Variants in DRAXIN observed in about 807,000 individuals in gnomAD.
DRAXIN encodes dorsal inhibitory axon guidance protein.
A neutral mutation model predicts 33.9 loss-of-function variants in DRAXIN; 27 were observed. The ratio of observed to expected loss-of-function variants is 0.80; its 90% CI spans 0.59 to 1.10. The LOEUF (loss-of-function observed/expected upper bound fraction) is 1.10. DRAXIN is among the 50% of genes least tolerant of loss of function. The probability of loss-of-function intolerance (pLI) is 0.00; values close to 1 mark genes in which losing one functional copy is unlikely to be tolerated. For missense variants in DRAXIN, 371 were observed against 460.8 expected (o/e 0.81, Z 1.78); for synonymous variants, 178 against 194.0 (o/e 0.92, Z 0.69).
At chr1:11,703,759 T>G (rs59251452) in intron 1 of DRAXIN, among the ~76,000 whole-genome samples, 2,294 of 152,184 alleles carry the variant, frequency 0.015, 72 homozygotes, top group African/African-American at 0.052. Context: ...GATATGTGGT[T>G]CTTGAAGGGT....
At chr1:11,710,472 G>T (rs970301074) in intron 3 of DRAXIN, among the ~76,000 whole-genome samples, 1 of 152,016 alleles carries the variant, frequency 6.6e-6, no homozygotes, top group Non-Finnish European at 1.5e-5. Context: ...TCCAGCCTGG[G>T]CGACAGAGTG....
chr1:11,700,113 G>T (rs1479361490), intron 1 of DRAXIN, among the ~76,000 whole-genome samples: 2 of 151,428 alleles, frequency 1.3e-5, no homozygotes, highest in Non-Finnish European at 2.9e-5. Flanking sequence ...GGCAGCGCCT[G>T]TAATCCCTCA....
intron 5 of DRAXIN, 72 bp from the exon 6 acceptor site, chr1:11,715,047 T>C (rs879881016): frequency 2.6e-5 from 41 of 1,554,638 alleles, no homozygotes; most frequent in Non-Finnish European, 3.6e-5. Flanking sequence ...TCTTGTCCAG[T>C]GGGACCGAGT....
intron 2 of DRAXIN, among the ~76,000 whole-genome samples, chr1:11,708,126 A>G (rs745915945): frequency 2.8e-4 from 42 of 152,308 alleles, no homozygotes; most frequent in Admixed American, 1.2e-3. Context: ...GTCAGCTTTC[A>G]GGGGAGGATG....
In DRAXIN at chr1:11,719,861, G is replaced by A. The variant is rs1244303663; in HGVS notation, c.*165G>A. 3.0e-6 allele frequency: 2 copies of A among 665,346 alleles called. No individual in the cohort carries two copies. Among genetic ancestry groups the A allele is most frequent in the Admixed American group, 2.6e-5 (1 of 38,482 alleles). 41.2% of individuals were successfully genotyped at this position (665,346 alleles called of 1,614,324 possible). A position where few individuals can be genotyped will look rare whatever the true frequency, so the allele number is the denominator to read the frequency against. On this transcript the variant is annotated 3_prime_UTR_variant, in exon 7 of 7. Coordinates refer to ENST00000294485, the MANE Select transcript of DRAXIN (RefSeq NM_198545.4). ...GGGAGCCGCTCGGCGAATGAGCTGG[G>A]TGGGTGCCCAGGAGCCGGCCCGCAG...
upstream of DRAXIN, among the ~76,000 whole-genome samples, chr1:11,686,776 A>G (rs1393157149): frequency 2.7e-5 from 4 of 149,944 alleles, no homozygotes; most frequent in Non-Finnish European, 5.9e-5. Flanking sequence ...GCCACAAGGT[A>G]AGAACTTTTG....
At chr1:11,699,382 A>G (rs1216021180) in intron 1 of DRAXIN, among the ~76,000 whole-genome samples, 1 of 151,786 alleles carries the variant, frequency 6.6e-6, no homozygotes, top group Non-Finnish European at 1.5e-5. Context: ...GACACAACAC[A>G]CCTTTAAGCC....
In DRAXIN at chr1:11,694,859, CA is replaced by C. The variant is rs1276269105; in HGVS notation, c.-11+3008del. The stretch of plus-strand genomic sequence containing the variant: ...TCTGCCACCCCAGGTTCCAGCTTGA[CA>C]ACGCCCCATGCCCCAACACCATGAC... On this transcript the variant is annotated intron_variant, in intron 1 of 6. Transcript: ENST00000294485. This position sits in a 1 kb window ranked among gnomAD's most constrained non-coding sequence, Gnocchi z 4.9. 4.6e-5 allele frequency among the ~76,000 whole-genome samples: 7 copies of C among 152,322 alleles called. No homozygotes were observed. In the East Asian group the frequency reaches 1.4e-3, roughly 29 times the overall value.
chr1:11,712,558 C>T (rs542685326), intron 5 of DRAXIN, 129 bp downstream of exon 5: 2 of 859,880 alleles, frequency 2.3e-6, no homozygotes, highest in African/African-American at 1.7e-5. Context: ...ATAATAACAA[C>T]AGCTGCCACT....
rs1368789328 is a variant in DRAXIN at position 11,695,162 on chromosome 1, A to C, written c.-11+3309A>C. Among the ~76,000 whole-genome samples the C allele has an allele frequency of 2.0e-5, 3 of 152,208 alleles. No homozygotes were observed. In the East Asian group the frequency reaches 5.8e-4, roughly 29 times the overall value. ...GCAGGGATGATGAGTCTGAGGAGTC[A>C]GATGGCTGTGGGTTCGAATCCCAGC... On this transcript the variant is annotated intron_variant, in intron 1 of 6. Transcript: ENST00000294485.
chr1:11,706,169 A>T lies in DRAXIN; in HGVS notation c.-10-80A>T. 7.5e-7 allele frequency: 1 copy of T among 1,330,954 alleles called. No individual in the cohort carries two copies. Among genetic ancestry groups the T allele is most frequent in the Non-Finnish European group, 1.0e-6 (1 of 995,346 alleles). 82.4% of individuals were successfully genotyped at this position (1,330,954 alleles called of 1,614,324 possible). A position where few individuals can be genotyped will look rare whatever the true frequency, so the allele number is the denominator to read the frequency against. ...ATGTCCCTCTATGGCTGTTGAGAAAAACTGGGCTTTAATCATTTGAGTGAG... is the reference window on the plus strand; with the variant it reads ...ATGTCCCTCTATGGCTGTTGAGAAATACTGGGCTTTAATCATTTGAGTGAG... On this transcript the variant is annotated intron_variant, in intron 1 of 6. Transcript: ENST00000294485. The surrounding 1 kb of genome is among the most constrained non-coding windows in gnomAD (Gnocchi z 5.5).
At chr1:11,714,715 C>G (rs1049539244) in intron 5 of DRAXIN, among the ~76,000 whole-genome samples, 7 of 152,364 alleles carry the variant, frequency 4.6e-5, no homozygotes, top group African/African-American at 1.7e-4. Context: ...GGAGCCGGCT[C>G]CATGGCAGGT....
upstream of DRAXIN, among the ~76,000 whole-genome samples, chr1:11,687,259 A>T (rs915147962): frequency 7.2e-5 from 11 of 151,944 alleles, no homozygotes; most frequent in African/African-American, 2.4e-4. This position sits in a 1 kb window ranked among gnomAD's most constrained non-coding sequence, Gnocchi z 4.1. Flanking sequence ...TTCTTTTTTG[A>T]GACGGAGTCT....
chr1:11,706,549 G>A lies in DRAXIN; in HGVS notation c.291G>A (p.Leu97=), dbSNP rs571441625. ...GGCTGCCAGAGGCTGAGGGGCTGCT[G>A]CCTGAGCAGAGTCCTGCAGGCCTGC... ...ASRLPEAEGL[L]PEQSPAGLLQ... The change falls in exon 2 of 7, where the codon CTG becomes CTA. Residue 97 remains leucine, a synonymous_variant. Coordinates refer to ENST00000294485, the MANE Select transcript of DRAXIN (RefSeq NM_198545.4). This position sits in a 1 kb window ranked among gnomAD's most constrained non-coding sequence, Gnocchi z 5.5. 1 of 1,611,052 alleles carries A rather than the reference G, an allele frequency of 6.2e-7. No homozygotes were observed. The highest frequency in any genetic ancestry group is 8.5e-7 in the Non-Finnish European group (1 of 1,179,224).
intron 1 of DRAXIN, among the ~76,000 whole-genome samples, chr1:11,700,724 GC>G (rs1216822929): frequency 6.6e-6 from 1 of 152,206 alleles, no homozygotes; most frequent in African/African-American, 2.4e-5. Flanking sequence ...GTGGGGGGTT[GC>G]CTGCTTCACA....
upstream of DRAXIN, among the ~76,000 whole-genome samples, chr1:11,689,367 AC>A (rs1456062628): frequency 6.6e-6 from 1 of 150,774 alleles, no homozygotes; most frequent in Non-Finnish European, 1.5e-5. Context: ...GGAGGCTGAG[AC>A]AGGTGGATCA....
chr1:11,697,649 G>A (rs932463546), intron 1 of DRAXIN, among the ~76,000 whole-genome samples: 4 of 152,216 alleles, frequency 2.6e-5, no homozygotes, highest in Admixed American at 2.6e-4. Flanking sequence ...CTTCAGACTG[G>A]AGCAGGTGCC....
Position 11,724,061 on chromosome 1 carries a change from A to C in DRAXIN, c.*4365A>C, listed in dbSNP as rs7529001. 6.6e-6 allele frequency: 1 copy of C among 152,032 alleles called. No individual in the cohort carries two copies. The highest frequency in any genetic ancestry group is 2.4e-5 in the African/African-American group (1 of 41,384). 9.4% of individuals were successfully genotyped at this position (152,032 alleles called of 1,614,324 possible). The stretch of plus-strand genomic sequence containing the variant: ...AAGTCACCATTCAAGCTCCTTCCCC[A>C]AAGTGTGTTCCATAGAACACTGGGA... On this transcript the variant is annotated 3_prime_UTR_variant, in exon 7 of 7. Transcript: ENST00000294485.
chr1:11,692,029 T>C lies in DRAXIN; in HGVS notation c.-11+176T>C, dbSNP rs1641079441. ...TCGGACCCGTCTATCCGCCAGTCCTTCCGCCGCCTCCTCTCCTCGCCGCGT... is the reference window on the plus strand; with the variant it reads ...TCGGACCCGTCTATCCGCCAGTCCTCCCGCCGCCTCCTCTCCTCGCCGCGT... On this transcript the variant is annotated intron_variant, in intron 1 of 6. Coordinates refer to ENST00000294485, the MANE Select transcript of DRAXIN (RefSeq NM_198545.4). This position sits in a 1 kb window ranked among gnomAD's most constrained non-coding sequence, Gnocchi z 5.8. Among the ~76,000 whole-genome samples the C allele has an allele frequency of 6.6e-6, 1 of 151,754 alleles. No homozygotes were observed. Among genetic ancestry groups the C allele is most frequent in the Non-Finnish European group, 1.5e-5 (1 of 67,908 alleles).
Sources: allele counts gnomAD v4.1 joint callset (sites outside exome capture counted in the v4.1 genomes callset), GRCh38; gene constraint gnomAD v4.1.1; non-coding constraint Gnocchi (gnomAD v3.1); transcripts MANE v1.5; gene names NCBI Gene and HGNC (gene_info 2026-07-23, HGNC 2026-07-21).